Variants in GRIN3A observed in about 807,000 individuals in gnomAD.
GRIN3A encodes the protein glutamate receptor ionotropic, NMDA 3A.
In GRIN3A, 47 loss-of-function variants were observed where a neutral mutation model predicts 92.4. The ratio of observed to expected loss-of-function variants is 0.51; its 90% confidence interval spans 0.40 to 0.65. The LOEUF is 0.65. Ranked by LOEUF, GRIN3A falls within the 30% of genes least tolerant of loss-of-function variation. The pLI is 0.00. For missense variants in GRIN3A, 1,324 were observed against 1,393.1 expected, an observed-to-expected ratio of 0.95 and a Z score of 0.79; for synonymous variants, 527 against 540.6, an observed-to-expected ratio of 0.97 and a Z score of 0.35.
chr9:101,612,882 A>G (rs550007406), intron 6 of GRIN3A, among the ~76,000 whole-genome samples: 1 of 152,332 alleles, frequency 6.6e-6, no homozygotes, highest in South Asian at 2.1e-4. Context: ...TCAAAAATCC[A>G]TGACTCTGTA....
At chr9:101,637,978 AT>A (rs113374031) in intron 3 of GRIN3A, among the ~76,000 whole-genome samples, 20,337 of 152,152 alleles carry the variant, frequency 0.13, 1,987 homozygotes, top group African/African-American at 0.28. Flanking sequence ...AATAAAAATA[AT>A]TGCTCCTTGT....
rs1423808728 is a variant in GRIN3A at position 101,571,049 on chromosome 9, C to T, written c.*2125G>A. ...GAGTCTCCAGCATTCTTAGCTGGTA[C>T]AAGTGGGTGGGGATGGCTAAGGGGC... On this transcript the variant is annotated 3_prime_UTR_variant, in exon 9 of 9. Transcript: ENST00000361820. 6.6e-6 allele frequency: 1 copy of T among 152,228 alleles called. No homozygotes were observed. The highest frequency in any genetic ancestry group is 1.5e-5 in the Non-Finnish European group (1 of 68,106). 9.4% of individuals were successfully genotyped at this position (152,228 alleles called of 1,614,324 possible).
chr9:101,662,068 A>C (rs1243117208), intron 3 of GRIN3A, among the ~76,000 whole-genome samples: 1 of 151,858 alleles, frequency 6.6e-6, no homozygotes, highest in East Asian at 1.9e-4. Context: ...CTTCCCGAAA[A>C]GATTTAAGGC....
chr9:101,636,059 T>G (rs1828780444), intron 3 of GRIN3A, among the ~76,000 whole-genome samples: 1 of 152,218 alleles, frequency 6.6e-6, no homozygotes, highest in South Asian at 2.1e-4. Flanking sequence ...GTGTGTGTGT[T>G]TTTAGAAGAG....
At chr9:101,631,412 C>T (rs1382113037) in intron 3 of GRIN3A, among the ~76,000 whole-genome samples, 1 of 152,172 alleles carries the variant, frequency 6.6e-6, no homozygotes, top group African/African-American at 2.4e-5. Flanking sequence ...ATACCTTTCT[C>T]TCATATAGAA....
chr9:101,685,359 A>T (rs564324420), intron 2 of GRIN3A, among the ~76,000 whole-genome samples: 1 of 125,834 alleles, frequency 7.9e-6, no homozygotes, highest in Non-Finnish European at 1.6e-5. Flanking sequence ...GCCCATTATC[A>T]TGTCTTTTTT....
chr9:101,665,849 A>G (rs897388844), intron 3 of GRIN3A, among the ~76,000 whole-genome samples: 1 of 152,002 alleles, frequency 6.6e-6, no homozygotes, highest in Non-Finnish European at 1.5e-5. Context: ...AAAAACTGCA[A>G]TTACTTTTGC....
chr9:101,628,616 C>T (rs966909511), intron 3 of GRIN3A, among the ~76,000 whole-genome samples: 17 of 151,956 alleles, frequency 1.1e-4, no homozygotes, highest in African/African-American at 3.6e-4. Context: ...AAACGACAAA[C>T]AAAAAATACA....
chr9:101,665,642 G>A (rs10819976), intron 3 of GRIN3A, among the ~76,000 whole-genome samples: 51,129 of 151,668 alleles, frequency 0.34, 9,489 homozygotes, highest in Non-Finnish European at 0.42. Context: ...ACCTCCCATT[G>A]AGATTGGGGG....
intron 3 of GRIN3A, among the ~76,000 whole-genome samples, chr9:101,658,758 C>G (rs1262613914): frequency 6.6e-6 from 1 of 150,818 alleles, no homozygotes; most frequent in Non-Finnish European, 1.5e-5. Flanking sequence ...ATCTGTCTAT[C>G]TGTCTATCTA....
chr9:101,579,027 A>G (rs1447808201), intron 7 of GRIN3A, among the ~76,000 whole-genome samples, 169 bp downstream of exon 7: 4 of 152,218 alleles, frequency 2.6e-5, no homozygotes, highest in African/African-American at 9.6e-5. Context: ...TTAAGGGAAA[A>G]GTGAATTAAT....
Position 101,716,693 on chromosome 9 carries a change from A to G in GRIN3A, c.699+20588T>C, listed in dbSNP as rs571902547. On this transcript the variant is annotated intron_variant, in intron 1 of 8. Coordinates refer to ENST00000361820, the MANE Select transcript of GRIN3A (RefSeq NM_133445.3). ...CTATGCCATCTTCCATTACTCAGCCAGGCAGTGAGGCGTTTCTGGCTAATA... is the reference window on the plus strand; with the variant it reads ...CTATGCCATCTTCCATTACTCAGCCGGGCAGTGAGGCGTTTCTGGCTAATA... Among the ~76,000 whole-genome samples the G allele has an allele frequency of 2.0e-5, 3 of 152,306 alleles. No individual in the cohort carries two copies. In the East Asian group the frequency reaches 5.8e-4, roughly 29 times the overall value.
intron 1 of GRIN3A, among the ~76,000 whole-genome samples, chr9:101,709,207 G>A (rs1257418430): frequency 6.6e-6 from 1 of 152,052 alleles, no homozygotes; most frequent in African/African-American, 2.4e-5. Context: ...ATGTTAATGT[G>A]TATTTGAGGT....
chr9:101,601,587 G>A (rs1828211783), intron 6 of GRIN3A, among the ~76,000 whole-genome samples: 1 of 152,202 alleles, frequency 6.6e-6, no homozygotes, highest in Non-Finnish European at 1.5e-5. Flanking sequence ...AGTTCGGGAG[G>A]CTAGAAGTCT....
At chr9:101,714,332 A>G (rs1196352882) in intron 1 of GRIN3A, among the ~76,000 whole-genome samples, 1 of 152,224 alleles carries the variant, frequency 6.6e-6, no homozygotes, top group Non-Finnish European at 1.5e-5. Flanking sequence ...AAGTAAATCC[A>G]ATAATAGATT....
At chr9:101,623,487 G>T in intron 4 of GRIN3A, 54 bp from the exon 5 acceptor site, 1 of 1,254,206 alleles carries the variant, frequency 8.0e-7, no homozygotes, top group South Asian at 1.2e-5. Flanking sequence ...TGGGAAGGAA[G>T]CATGAAGGCT....
At chr9:101,681,420 C>T (rs1369135660) in intron 2 of GRIN3A, among the ~76,000 whole-genome samples, 2 of 152,210 alleles carry the variant, frequency 1.3e-5, no homozygotes, top group African/African-American at 2.4e-5. Context: ...AATGCCTTAG[C>T]TTGGCATACA....
chr9:101,729,599 C>A (rs1435308903), intron 1 of GRIN3A, among the ~76,000 whole-genome samples: 1 of 152,068 alleles, frequency 6.6e-6, no homozygotes, highest in African/African-American at 2.4e-5. Context: ...TCCAAGATAC[C>A]CTTTCTATCT....
intron 5 of GRIN3A, among the ~76,000 whole-genome samples, chr9:101,620,362 C>T (rs954195909): frequency 6.6e-6 from 1 of 152,080 alleles, no homozygotes; most frequent in Non-Finnish European, 1.5e-5. Context: ...AGGGTGGAAA[C>T]TTCATGACCT....
Sources: allele counts gnomAD v4.1 joint callset (sites outside exome capture counted in the v4.1 genomes callset), GRCh38; gene constraint gnomAD v4.1.1; transcripts MANE v1.5; gene names NCBI Gene and HGNC (gene_info 2026-07-23, HGNC 2026-07-21).